Variants in MACROD2 observed in about 807,000 individuals in gnomAD.
MACROD2 encodes the protein ADP-ribose glycohydrolase MACROD2.
A neutral mutation model predicts 70.4 loss-of-function variants in MACROD2; 36 were observed. That is an observed-to-expected ratio of 0.51 (90% confidence interval 0.39 to 0.68). The LOEUF (loss-of-function observed/expected upper bound fraction) is 0.68, where lower values mean the gene tolerates loss of function less well. MACROD2 is among the 30% of genes least tolerant of loss of function. The pLI is 0.00. For synonymous variants in MACROD2, 172 were observed against 178.8 expected (o/e 0.96, Z 0.30); for missense variants, 496 against 538.4 (o/e 0.92, Z 0.78).
At chr20:15,863,487 A>G (rs1454941902) in intron 9 of MACROD2, among the ~76,000 whole-genome samples, 1 of 152,184 alleles carries the variant, frequency 6.6e-6, no homozygotes, top group Non-Finnish European at 1.5e-5. Flanking sequence ...CTTCCAGCCT[A>G]TTAAGGCTGA....
intron 8 of MACROD2, among the ~76,000 whole-genome samples, chr20:15,717,858 T>TCTCTGTAA (rs1339522915): frequency 6.6e-6 from 1 of 151,984 alleles, no homozygotes; most frequent in Non-Finnish European, 1.5e-5. Flanking sequence ...GCTGTAAAGG[T>TCTCTGTAA]AGAGAGTGAA....
rs140038540 is a variant in MACROD2, at chr20:15,823,670, A to G, written c.646-39075A>G. Among the ~76,000 whole-genome samples the G allele has an allele frequency of 2.0e-5, 3 of 152,340 alleles. No homozygotes were observed. The East Asian group carries it at 5.8e-4, about 29-fold the overall frequency. ...CTGCAATTCACTTAATTGGACTTGC[A>G]TCTTCAGTAACACTGCAGCTTCCAT... On this transcript the variant is annotated intron_variant, in intron 8 of 17. Transcript: ENST00000684519.
intron 3 of MACROD2, among the ~76,000 whole-genome samples, chr20:14,454,749 CTTTTTTTTTTTTT>C (rs11087091): frequency 2.5e-5 from 2 of 80,626 alleles, no homozygotes; most frequent in African/African-American, 1.1e-4. Context: ...TCTCTACACT[CTTTTTTTTTTTTT>C]TTTTTTTTGA....
intron 3 of MACROD2, among the ~76,000 whole-genome samples, chr20:14,458,208 A>T (rs2084326364): frequency 6.6e-6 from 1 of 152,224 alleles, no homozygotes; most frequent in Non-Finnish European, 1.5e-5. Context: ...ACTATTTGAC[A>T]ATCCAGTGGA....
intron 5 of MACROD2, among the ~76,000 whole-genome samples, chr20:14,785,259 C>T (rs1338078732): frequency 6.6e-6 from 1 of 151,856 alleles, no homozygotes; most frequent in Non-Finnish European, 1.5e-5. Context: ...GAACACTGCT[C>T]CAGGAATTAA....
At chr20:15,263,535 T>A (rs2077267421) in intron 6 of MACROD2, among the ~76,000 whole-genome samples, 1 of 151,980 alleles carries the variant, frequency 6.6e-6, no homozygotes, top group African/African-American at 2.4e-5. Context: ...TTCTATATAA[T>A]TTTTAGGATT....
At chr20:14,953,184 A>G (rs962522406) in intron 5 of MACROD2, among the ~76,000 whole-genome samples, 11 of 152,138 alleles carry the variant, frequency 7.2e-5, no homozygotes, top group Non-Finnish European at 7.4e-5. Context: ...TCAAAAATGT[A>G]TTGGGTTCAA....
intron 5 of MACROD2, among the ~76,000 whole-genome samples, chr20:15,090,607 T>A (rs887198091): frequency 1.1e-4 from 17 of 152,084 alleles, no homozygotes; most frequent in Admixed American, 1.1e-3. Flanking sequence ...TAGAATTATA[T>A]GCATGAATGG....
intron 4 of MACROD2, among the ~76,000 whole-genome samples, chr20:14,646,624 G>A (rs1985408179): frequency 6.6e-6 from 1 of 151,622 alleles, no homozygotes; most frequent in African/African-American, 2.4e-5. Context: ...TGTTAGAGTG[G>A]GTTTTTGTTT....
chr20:15,325,281 CTT>C (rs2077916609), intron 6 of MACROD2, among the ~76,000 whole-genome samples: 1 of 152,054 alleles, frequency 6.6e-6, no homozygotes, highest in South Asian at 2.1e-4. Context: ...AGTCTATGAC[CTT>C]TTGAGGTACA....
At chr20:15,312,026 C>A in intron 6 of MACROD2, among the ~76,000 whole-genome samples, 1 of 151,800 alleles carries the variant, frequency 6.6e-6, no homozygotes, top group African/African-American at 2.4e-5. Context: ...ATCAAATAAT[C>A]TAAATAAACA....
At chr20:14,147,327 C>T (rs572388438) in intron 3 of MACROD2, among the ~76,000 whole-genome samples, 1 of 152,266 alleles carries the variant, frequency 6.6e-6, no homozygotes, top group East Asian at 1.9e-4. Context: ...TTCATTCCTT[C>T]AGCAATAGAA....
Position 14,981,133 on chromosome 20 carries a change from A to G in MACROD2, c.419-248807A>G, listed in dbSNP as rs148863178. Among the ~76,000 whole-genome samples, 84 of 152,136 alleles carry G rather than the reference A, an allele frequency of 5.5e-4. 1 individual carries two copies. The East Asian group carries it at 0.016, about 29-fold the overall frequency. ...CCCCATTTCTTATAGCTTTTAGGAA[A>G]AAAACAAGGATCCCCATCATCGCGT... On this transcript the variant is annotated intron_variant, in intron 5 of 17. Coordinates refer to ENST00000684519, the MANE Select transcript of MACROD2 (RefSeq NM_001351661.2).
chr20:15,038,157 G>T (rs941353203), intron 5 of MACROD2, among the ~76,000 whole-genome samples: 9 of 152,096 alleles, frequency 5.9e-5, no homozygotes, highest in African/African-American at 2.2e-4. Context: ...AACATTATTA[G>T]CACATAAGAA....
intron 4 of MACROD2, among the ~76,000 whole-genome samples, chr20:14,525,591 T>C (rs2085221806): frequency 6.6e-6 from 1 of 152,222 alleles, no homozygotes; most frequent in Non-Finnish European, 1.5e-5. Flanking sequence ...AATTGGCATA[T>C]TTTTACAATG....
intron 3 of MACROD2, among the ~76,000 whole-genome samples, chr20:14,468,384 T>A (rs2084482523): frequency 6.6e-6 from 1 of 151,898 alleles, no homozygotes; most frequent in Non-Finnish European, 1.5e-5. Flanking sequence ...TTTTATTTTC[T>A]GATCTTTCTT....
chr20:15,319,614 A>G (rs963641466), intron 6 of MACROD2, among the ~76,000 whole-genome samples: 1 of 152,216 alleles, frequency 6.6e-6, no homozygotes, highest in Admixed American at 6.5e-5. Context: ...ATAGAATTAC[A>G]TCATCCCCTA....
chr20:16,041,452 TAA>T (rs559960227), intron 16 of MACROD2, among the ~76,000 whole-genome samples, 174 bp downstream of exon 16: 1 of 150,718 alleles, frequency 6.6e-6, no homozygotes, highest in African/African-American at 2.5e-5. Flanking sequence ...ACCTCTTATT[TAA>T]AAAAAAAACC....
intron 9 of MACROD2, among the ~76,000 whole-genome samples, chr20:15,883,941 T>C (rs1337997303): frequency 6.6e-6 from 1 of 152,134 alleles, no homozygotes; most frequent in Admixed American, 6.6e-5. Context: ...GATTTTATTA[T>C]AATAACAGCT....
Sources: gnomAD v4.1 joint callset for allele counts (sites outside exome capture counted in the v4.1 genomes callset) on GRCh38, gnomAD v4.1.1 for gene constraint, MANE v1.5 for transcripts, NCBI Gene and HGNC (gene_info 2026-07-23, HGNC 2026-07-21) for gene names.